Variants in PPFIBP2 observed in about 807,000 individuals in gnomAD.
The protein encoded by PPFIBP2 is liprin-beta-2.
Under a neutral mutation model 118.3 loss-of-function variants are expected in PPFIBP2, and 118 were observed. That is an observed-to-expected ratio of 1.00 (90% CI 0.86 to 1.16). The LOEUF (loss-of-function observed/expected upper bound fraction) is 1.16, where lower values mean the gene tolerates loss of function less well. Among genes scored for constraint, PPFIBP2 ranks in the 50% most tolerant of loss-of-function variants. PPFIBP2 has a pLI of 0.00. For synonymous variants in PPFIBP2, 414 were observed against 397.4 expected (o/e 1.04, Z -0.50); for missense variants, 1,195 against 1,073.1 (o/e 1.11, Z -1.59).
the PPFIBP2 span, among the ~76,000 whole-genome samples, chr11:7,663,778 T>C: frequency 2.6e-5 from 4 of 152,236 alleles, no homozygotes; most frequent in Admixed American, 1.3e-4. Flanking sequence ...GATCTCAGAC[T>C]GCTGTGCTAG....
intron 17 of PPFIBP2, 34 bp from the exon 18 acceptor site, chr11:7,648,353 A>G (rs200110969): frequency 3.3e-5 from 53 of 1,583,806 alleles, no homozygotes; most frequent in Non-Finnish European, 6.1e-6. Flanking sequence ...AGGCTCTCCC[A>G]CTAACAGGAA....
Position 7,610,423 on chromosome 11 carries a change from G to C in PPFIBP2, c.618+1G>C. The C allele has an allele frequency of 6.2e-7, 1 of 1,613,164 alleles. No homozygotes were observed. Among genetic ancestry groups the C allele is most frequent in the Non-Finnish European group, 8.5e-7 (1 of 1,179,858 alleles). ...GGAGGAGAAGCAGAGAAAAGCAGAG[G>C]TAAGGGTGAGTGTGTACTGTCCTAA... is the stretch of plus-strand genomic sequence containing the variant. On this transcript the variant is annotated splice_donor_variant, in intron 6 of 23. Coordinates refer to ENST00000299492, the MANE Select transcript of PPFIBP2 (RefSeq NM_003621.5). LOFTEE classifies it high-confidence loss of function.
intron 2 of PPFIBP2, among the ~76,000 whole-genome samples, chr11:7,562,462 C>A (rs540374289): frequency 3.3e-5 from 5 of 152,170 alleles, no homozygotes; most frequent in Non-Finnish European, 7.3e-5. Context: ...ATAACCTAGC[C>A]TTGGAAGTGA....
In PPFIBP2 at chr11:7,616,952, G is replaced by A. The variant is rs896368072; in HGVS notation, c.619-3983G>A. On this transcript the variant is annotated intron_variant, in intron 6 of 23. Transcript: ENST00000299492. This position sits in a 1 kb window ranked among gnomAD's most constrained non-coding sequence, Gnocchi z 5.2. ...CTGAGGAAAAATGCCATGTCTTTTG[G>A]TTCTGTTGTGGAAAGTGGAGGGCCG... Among the ~76,000 whole-genome samples, 1 of 152,096 alleles carries A rather than the reference G, an allele frequency of 6.6e-6. No individual in the cohort carries two copies. The highest frequency in any genetic ancestry group is 1.5e-5 in the Non-Finnish European group (1 of 67,996).
intron 21 of PPFIBP2, 41 bp from the exon 22 acceptor site, chr11:7,650,799 T>C: frequency 6.2e-7 from 1 of 1,606,534 alleles, no homozygotes; most frequent in African/African-American, 1.3e-5. Flanking sequence ...TGGTGGGACC[T>C]ATTAAGCCTA....
At chr11:7,613,542 T>C (rs1848306422) in intron 6 of PPFIBP2, among the ~76,000 whole-genome samples, 1 of 152,116 alleles carries the variant, frequency 6.6e-6, no homozygotes, top group African/African-American at 2.4e-5. Flanking sequence ...GTACTGAAGA[T>C]TGGGTGAATT....
chr11:7,562,833 T>C (rs1458754618), intron 2 of PPFIBP2, among the ~76,000 whole-genome samples: 1 of 150,968 alleles, frequency 6.6e-6, no homozygotes, highest in Non-Finnish European at 1.5e-5. Context: ...GACAAAATAT[T>C]TATCTTTTCA....
At chr11:7,643,247 G>GA (rs1372707171) in intron 17 of PPFIBP2, among the ~76,000 whole-genome samples, 3 of 151,844 alleles carry the variant, frequency 2.0e-5, no homozygotes, top group African/African-American at 4.8e-5. Context: ...TATCTGAGCT[G>GA]AAAAAAAATC....
At chr11:7,600,506 T>C (rs1162292127) in intron 5 of PPFIBP2, among the ~76,000 whole-genome samples, 1 of 152,226 alleles carries the variant, frequency 6.6e-6, no homozygotes, top group African/African-American at 2.4e-5. Context: ...CCTTGGCTTC[T>C]GGTGGTAGGA....
rs879885051 is a variant in PPFIBP2, at chr11:7,607,649, A to AT, written c.487-2631dup. 5.5e-3 allele frequency among the ~76,000 whole-genome samples: 803 copies of AT among 145,146 alleles called. 9 individuals carry two copies. The highest frequency in any genetic ancestry group is 0.019 in the African/African-American group (742 of 39,690). ...ATAAAAGAATGAAGTCTCTTGGGGG[A>AT]TTTTTTTTTTTCCCTGAGATCTCAG... On this transcript the variant is annotated intron_variant, in intron 5 of 23. Coordinates refer to ENST00000299492, the MANE Select transcript of PPFIBP2 (RefSeq NM_003621.5).
chr11:7,531,673 G>A (rs1850695225), intron 1 of PPFIBP2, among the ~76,000 whole-genome samples: 2 of 152,020 alleles, frequency 1.3e-5, no homozygotes, highest in South Asian at 2.1e-4. Context: ...ATCAAATGGG[G>A]GTGTGTGTTA....
At chr11:7,623,537 G>A (rs371459679) in intron 7 of PPFIBP2, among the ~76,000 whole-genome samples, 1 of 152,224 alleles carries the variant, frequency 6.6e-6, no homozygotes, top group East Asian at 1.9e-4. Flanking sequence ...GCACAAGGCA[G>A]GTTGGGCCCA....
At chr11:7,587,560 T>A (rs187724274) in intron 3 of PPFIBP2, among the ~76,000 whole-genome samples, 100 of 152,362 alleles carry the variant, frequency 6.6e-4, no homozygotes, top group African/African-American at 2.2e-3. Context: ...GGAATATATC[T>A]CTGCCTTTAG....
At chr11:7,628,759 T>C (rs1302109690) in intron 9 of PPFIBP2, among the ~76,000 whole-genome samples, 1 of 152,234 alleles carries the variant, frequency 6.6e-6, no homozygotes, top group African/African-American at 2.4e-5. Context: ...TGCCATCTTA[T>C]ATCCTTCGCA....
intron 5 of PPFIBP2, among the ~76,000 whole-genome samples, chr11:7,607,051 C>T (rs887939418): frequency 1.3e-5 from 2 of 150,982 alleles, no homozygotes; most frequent in Non-Finnish European, 3.0e-5. Context: ...GCTGGGACTA[C>T]AGGTGCCCAC....
intron 1 of PPFIBP2, among the ~76,000 whole-genome samples, chr11:7,544,950 TC>T (rs922979021): frequency 6.6e-6 from 1 of 151,998 alleles, no homozygotes. Flanking sequence ...GAGCCCTGGC[TC>T]CCTAGGAGAT....
At chr11:7,526,607 C>T (rs1850251826) in intron 1 of PPFIBP2, among the ~76,000 whole-genome samples, 1 of 152,108 alleles carries the variant, frequency 6.6e-6, no homozygotes, top group Non-Finnish European at 1.5e-5. Context: ...TGCGGTGGCT[C>T]ACGCCTGTAA....
At position 7,622,798 on chromosome 11, in the gene PPFIBP2, C is replaced by T. The variant is rs116385524; in HGVS notation, c.711+1771C>T. Among the ~76,000 whole-genome samples the T allele has an allele frequency of 6.8e-3, 1,041 of 152,328 alleles. 7 individuals are homozygous for T. The highest frequency in any genetic ancestry group is 0.024 in the African/African-American group (979 of 41,560). On this transcript the variant is annotated intron_variant, in intron 7 of 23. Transcript: ENST00000299492. ...AGTAGCTCAGAACCTTCCATCACAA[C>T]ACCCCACTCAAACAAGCCCTGTCTT...
At chr11:7,518,882 G>A (rs1849481071) in intron 1 of PPFIBP2, among the ~76,000 whole-genome samples, 1 of 152,240 alleles carries the variant, frequency 6.6e-6, no homozygotes, top group African/African-American at 2.4e-5. Flanking sequence ...GTATGGGCGG[G>A]AGAGAAGGAA....
Sources: gnomAD v4.1 joint callset for allele counts (sites outside exome capture counted in the v4.1 genomes callset) on GRCh38, gnomAD v4.1.1 for gene constraint, Gnocchi (gnomAD v3.1) non-coding constraint, MANE v1.5 for transcripts, NCBI Gene and HGNC (gene_info 2026-07-23, HGNC 2026-07-21) for gene names.